TBX20: variants seen among roughly 807,000 people sequenced by gnomAD.
TBX20 encodes T-box transcription factor 20.
TBX20 carries 8 observed loss-of-function variants against 42.9 expected under a neutral mutation model. The ratio of observed to expected loss-of-function variants is 0.19; its 90% CI spans 0.11 to 0.34. The LOEUF (loss-of-function observed/expected upper bound fraction) is 0.34, where lower values mean the gene tolerates loss of function less well. Ranked by LOEUF, TBX20 falls within the 10% of genes least tolerant of loss-of-function variation. The pLI, the probability that TBX20 is intolerant of heterozygous loss-of-function variation, is 1.00. For missense variants in TBX20, 411 were observed against 566.0 expected (o/e 0.73, Z 2.78); for synonymous variants, 198 against 222.8 (o/e 0.89, Z 0.99).
At chr7:35,246,466 G>A (rs536669768) in intron 3 of TBX20, among the ~76,000 whole-genome samples, 2 of 152,208 alleles carry the variant, frequency 1.3e-5, no homozygotes, top group East Asian at 3.9e-4. Flanking sequence ...TTGATGAAAT[G>A]TTCCCTCTCT....
At chr7:35,245,246 T>G (rs988584602) in intron 3 of TBX20, among the ~76,000 whole-genome samples, 189 bp from the exon 4 acceptor site, 7 of 152,068 alleles carry the variant, frequency 4.6e-5, no homozygotes, top group African/African-American at 1.7e-4. Context: ...TATTTCTTCA[T>G]GTACCAATTA....
At chr7:35,205,600 G>A (rs1363574925) in intron 6 of TBX20, among the ~76,000 whole-genome samples, 1 of 152,158 alleles carries the variant, frequency 6.6e-6, no homozygotes, top group Non-Finnish European at 1.5e-5. Flanking sequence ...TTTTTAAAAT[G>A]TTAACACTTG....
chr7:35,253,096 G>T (rs1472146220), intron 1 of TBX20, among the ~76,000 whole-genome samples: 1 of 145,722 alleles, frequency 6.9e-6, no homozygotes, highest in African/African-American at 2.5e-5. Context: ...AATTAAACTG[G>T]TTTCTTATGA....
intron 4 of TBX20, among the ~76,000 whole-genome samples, 171 bp from the exon 5 acceptor site, chr7:35,241,208 A>G (rs1159651370): frequency 6.6e-6 from 1 of 152,210 alleles, no homozygotes; most frequent in African/African-American, 2.4e-5. Context: ...GATACTGCAG[A>G]GTCATTGTTG....
In TBX20 at chr7:35,204,555, C is replaced by G. The variant is rs1336271272; in HGVS notation, c.918G>C (p.Lys306Asn). ...GGATGGGTGAGCGTGCATAGGAATGCTTTTGAATCAGGCTCTCCACACTTT... is the reference window on the plus strand; with the variant it reads ...GGATGGGTGAGCGTGCATAGGAATGGTTTTGAATCAGGCTCTCCACACTTT... Reference protein sequence around the residue: ...ERESVESLIQKHSYARSPIRT... With the variant: ...ERESVESLIQNHSYARSPIRT... The change falls in exon 7 of 8, where the codon AAG becomes AAC. Residue 306 changes from lysine to asparagine, a missense_variant. Around this residue, in one of 5 missense-constraint regions of TBX20, gnomAD observed 162 missense variants for 205.4 expected, o/e 0.79. Transcript: ENST00000408931. 1 of 1,613,988 alleles carries G rather than the reference C, an allele frequency of 6.2e-7. No homozygotes were observed. The highest frequency in any genetic ancestry group is 8.5e-7 in the Non-Finnish European group (1 of 1,179,912).
chr7:35,240,862 G>A lies in TBX20; in HGVS notation c.813+17C>T, dbSNP rs193245374. ...CCTTCTCTTATGCAGGAACTAAATT[G>A]TGAACTGTACACTCACCAGTTGATT... On this transcript the variant is annotated intron_variant, in intron 5 of 7. Coordinates refer to ENST00000408931, the MANE Select transcript of TBX20 (RefSeq NM_001077653.2). The A allele has an allele frequency of 7.7e-5, 124 of 1,612,220 alleles. No individual in the cohort carries two copies. The African/African-American group carries it at 1.5e-3, about 19-fold the overall frequency.
intron 4 of TBX20, among the ~76,000 whole-genome samples, chr7:35,241,848 T>C (rs778457082): frequency 5.3e-5 from 8 of 152,176 alleles, no homozygotes; most frequent in Non-Finnish European, 1.2e-4. Context: ...TTAAATAAAA[T>C]ATAAAAGCTA....
Position 35,248,697 on chromosome 7 carries a change from G to C in TBX20, c.525C>G (p.Ala175=). 1 of 1,612,298 alleles carries C rather than the reference G, an allele frequency of 6.2e-7. No homozygotes were observed. The highest frequency in any genetic ancestry group is 8.5e-7 in the Non-Finnish European group (1 of 1,179,856). ...CGAACCTGGCTGGCAACGGCGGGTC[G>C]GCCTTGCCAGCCACCAGCCAGGAGG... ...HRSSWLVAGK[A]DPPLPARLYV... The change falls in exon 3 of 8, where the codon GCC becomes GCG. Residue 175 remains alanine (A), a synonymous_variant. Transcript: ENST00000408931.
At chr7:35,222,932 G>C (rs930345720) in intron 6 of TBX20, among the ~76,000 whole-genome samples, 4 of 152,182 alleles carry the variant, frequency 2.6e-5, no homozygotes, top group Admixed American at 2.0e-4. Context: ...TCTGATTGCT[G>C]TATTGAATAA....
chr7:35,245,158 T>A (rs1790157485), intron 3 of TBX20, 101 bp from the exon 4 acceptor site: 1 of 879,096 alleles, frequency 1.1e-6, no homozygotes, highest in Non-Finnish European at 1.8e-6. Flanking sequence ...AAACCATATA[T>A]AAGTGGGAAA....
Position 35,202,778 on chromosome 7 carries a change from G to A in TBX20, c.1004-8C>T, listed in dbSNP as rs1187858416. The A allele has an allele frequency of 6.5e-7, 1 of 1,545,796 alleles. No homozygotes were observed. The highest frequency in any genetic ancestry group is 2.4e-5 in the East Asian group (1 of 40,908). ...ATGTTGTAAAGGCTGACCCTGTAAGGAAAAACACTCATTAGACTGGAAACA... is the reference window on the plus strand; with the variant it reads ...ATGTTGTAAAGGCTGACCCTGTAAGAAAAAACACTCATTAGACTGGAAACA... On this transcript the variant is annotated splice_polypyrimidine_tract_variant and splice_region_variant and intron_variant, in intron 7 of 7. Transcript: ENST00000408931.
At chr7:35,252,572 G>A (rs1790326716) in intron 1 of TBX20, among the ~76,000 whole-genome samples, 1 of 152,052 alleles carries the variant, frequency 6.6e-6, no homozygotes, top group East Asian at 1.9e-4. Context: ...AGGACAGAGA[G>A]AAGAAAGGAA....
At chr7:35,236,474 G>T (rs1404957787) in intron 5 of TBX20, among the ~76,000 whole-genome samples, 1 of 152,160 alleles carries the variant, frequency 6.6e-6, no homozygotes, top group African/African-American at 2.4e-5. Context: ...GAGAAGTGAA[G>T]TCACAGTAGA....
In TBX20 at chr7:35,253,796, T is replaced by G; in HGVS notation, c.-176A>C. The stretch of plus-strand genomic sequence containing the variant: ...TCCAGAGCTGCACACTGGCCTCTAT[T>G]CCCCACCGCAAAGCCCCAGAGCCGC... On this transcript the variant is annotated 5_prime_UTR_variant, in exon 1 of 8. Transcript: ENST00000408931. 2 of 741,472 alleles carry G rather than the reference T, an allele frequency of 2.7e-6. No individual in the cohort carries two copies. The highest frequency in any genetic ancestry group is 2.1e-6 in the Non-Finnish European group (1 of 470,094). 45.9% of individuals were successfully genotyped at this position (741,472 alleles called of 1,614,324 possible). A position where few individuals can be genotyped will look rare whatever the true frequency, so the allele number is the denominator to read the frequency against.
chr7:35,249,909 T>G lies in TBX20; in HGVS notation c.380+42A>C, dbSNP rs949090698. On this transcript the variant is annotated intron_variant, in intron 2 of 7. Transcript: ENST00000408931. This position sits in a 1 kb window ranked among gnomAD's most constrained non-coding sequence, Gnocchi z 4.3. ...ACCCTCAACTACCCAGGGAGTGTCCTGACTCTCCACCCCCAACCCCCAACC... is the reference window on the plus strand; with the variant it reads ...ACCCTCAACTACCCAGGGAGTGTCCGGACTCTCCACCCCCAACCCCCAACC... 3.2e-6 allele frequency: 5 copies of G among 1,572,672 alleles called. No homozygotes were observed. In the Admixed American group the frequency reaches 5.2e-5, roughly 16 times the overall value.
chr7:35,222,906 T>C (rs979730549), intron 6 of TBX20, among the ~76,000 whole-genome samples: 2 of 152,190 alleles, frequency 1.3e-5, no homozygotes, highest in African/African-American at 4.8e-5. Context: ...AAACTTCCTT[T>C]CTTTGGAAAG....
In TBX20 at chr7:35,202,574, C is replaced by A. The variant is rs541075247; in HGVS notation, c.1200G>T (p.Ser400=). ...YSRLGMPLTP[S]AIASSMQGSG... is the part of the protein sequence containing the mutation. ...TCCCTTGCATGGAGCTGGCAATGGCCGATGGTGTCAGAGGCATTCCCAGTC... is the reference window on the plus strand; with the variant it reads ...TCCCTTGCATGGAGCTGGCAATGGCAGATGGTGTCAGAGGCATTCCCAGTC... The change falls in exon 8 of 8, where the codon TCG becomes TCT. Residue 400 remains serine (S), a synonymous_variant. Coordinates refer to ENST00000408931, the MANE Select transcript of TBX20 (RefSeq NM_001077653.2). The A allele has an allele frequency of 6.2e-7, 1 of 1,614,030 alleles. No homozygotes were observed. Among genetic ancestry groups the A allele is most frequent in the East Asian group, 2.2e-5 (1 of 44,850 alleles).
chr7:35,232,827 A>G (rs1338277803), intron 5 of TBX20, among the ~76,000 whole-genome samples: 2 of 152,182 alleles, frequency 1.3e-5, no homozygotes, highest in East Asian at 1.9e-4. Flanking sequence ...GTTCGAAACC[A>G]GCCTGACCAA....
intron 3 of TBX20, among the ~76,000 whole-genome samples, chr7:35,246,919 A>G (rs1790200494): frequency 6.6e-6 from 1 of 152,124 alleles, no homozygotes; most frequent in African/African-American, 2.4e-5. Context: ...GAAAAAATAT[A>G]CAGGAAGCCC....
Sources: allele counts gnomAD v4.1 joint callset (sites outside exome capture counted in the v4.1 genomes callset), GRCh38; gene constraint gnomAD v4.1.1; regional missense constraint gnomAD v4.1.1; non-coding constraint Gnocchi (gnomAD v3.1); transcripts MANE v1.5; gene names NCBI Gene and HGNC (gene_info 2026-07-23, HGNC 2026-07-21).